The following GIMAP8 variants were observed in gnomAD, a reference collection of about 807,000 sequenced individuals.
The protein encoded by GIMAP8 is GTPase, IMAP family member 8.
In GIMAP8, 29 loss-of-function variants were observed where a neutral mutation model predicts 35.6. The observed-to-expected ratio is 0.81, with a 90% CI of 0.61 to 1.11. The LOEUF is 1.11. GIMAP8 is among the 50% of genes most tolerant of loss of function. The pLI is 0.00. For synonymous variants in GIMAP8, 335 were observed against 308.7 expected, an observed-to-expected ratio of 1.09 and a Z score of -0.89; for missense variants, 811 against 805.0, an observed-to-expected ratio of 1.01 and a Z score of -0.09.
intron 1 of GIMAP8, among the ~76,000 whole-genome samples, chr7:150,458,460 AT>A (rs1232704837): frequency 3.3e-5 from 5 of 152,196 alleles, no homozygotes; most frequent in Admixed American, 1.3e-4. Flanking sequence ...GAGTCCACTG[AT>A]TTTAATGTAA....
chr7:150,460,936 G>A (rs1046257056), intron 1 of GIMAP8, among the ~76,000 whole-genome samples: 1 of 152,174 alleles, frequency 6.6e-6, no homozygotes, highest in Admixed American at 6.5e-5. Flanking sequence ...AAGGCCCAGC[G>A]GCAGGCCAAA....
chr7:150,453,900 C>G (rs1367750706), intron 1 of GIMAP8, among the ~76,000 whole-genome samples: 2 of 151,316 alleles, frequency 1.3e-5, no homozygotes, highest in Non-Finnish European at 2.9e-5. Context: ...GTGGACAGCT[C>G]TTAGGGTGGC....
At chr7:150,463,147 T>C (rs773448977) in intron 1 of GIMAP8, among the ~76,000 whole-genome samples, 2 of 152,108 alleles carry the variant, frequency 1.3e-5, no homozygotes, top group Non-Finnish European at 2.9e-5. Flanking sequence ...TTTTTTTATT[T>C]TGTTCATGGA....
intron 1 of GIMAP8, among the ~76,000 whole-genome samples, chr7:150,463,243 G>T (rs1801878605): frequency 6.6e-6 from 1 of 151,654 alleles, no homozygotes; most frequent in Non-Finnish European, 1.5e-5. Flanking sequence ...ATCATGAATT[G>T]TTTTTTCTGA....
chr7:150,453,180 A>C (rs1801656120), intron 1 of GIMAP8, among the ~76,000 whole-genome samples: 1 of 152,214 alleles, frequency 6.6e-6, no homozygotes, highest in African/African-American at 2.4e-5. Flanking sequence ...AAAATTGAGG[A>C]GAGAGAGGAG....
intron 1 of GIMAP8, among the ~76,000 whole-genome samples, chr7:150,461,808 A>G (rs1421725331): frequency 1.3e-5 from 2 of 152,204 alleles, no homozygotes; most frequent in African/African-American, 4.8e-5. Flanking sequence ...CTGATAGATG[A>G]ACTTACTCCT....
rs1802121736 is a variant in GIMAP8 at position 150,472,816 on chromosome 7, C to A, written c.683-1196C>A. Reference sequence around the variant, plus strand: ...GGCAAAGAAAGTGCTGTCATATGGGCAAAAGTCCTGAAGTCTGTAAAGGAG... The same window carrying A: ...GGCAAAGAAAGTGCTGTCATATGGGAAAAAGTCCTGAAGTCTGTAAAGGAG... On this transcript the variant is annotated intron_variant, in intron 3 of 4. Coordinates refer to ENST00000307271, the MANE Select transcript of GIMAP8 (RefSeq NM_175571.4). The surrounding 1 kb of genome is among the most constrained non-coding windows in gnomAD (Gnocchi z 4.1). 6.6e-6 allele frequency among the ~76,000 whole-genome samples: 1 copy of A among 151,802 alleles called. No individual in the cohort carries two copies. The highest frequency in any genetic ancestry group is 2.4e-5 in the African/African-American group (1 of 41,306).
chr7:150,454,463 C>G (rs1563279276), intron 1 of GIMAP8, among the ~76,000 whole-genome samples: 2 of 152,104 alleles, frequency 1.3e-5, no homozygotes. Context: ...TGACATGGAG[C>G]CTCAGAGTCC....
intron 1 of GIMAP8, among the ~76,000 whole-genome samples, chr7:150,455,166 A>G (rs2116585532): frequency 1.3e-5 from 2 of 151,778 alleles, no homozygotes; most frequent in African/African-American, 4.8e-5. Context: ...CCAAAAAACA[A>G]AAAACTGGTC....
intron 2 of GIMAP8, among the ~76,000 whole-genome samples, chr7:150,469,685 T>C (rs1292366968): frequency 2.0e-5 from 3 of 151,896 alleles, no homozygotes; most frequent in Admixed American, 2.0e-4. Flanking sequence ...GTTAGAGCCA[T>C]ACTTTTAGAA....
At chr7:150,461,563 G>A (rs1332520281) in intron 1 of GIMAP8, among the ~76,000 whole-genome samples, 3 of 152,038 alleles carry the variant, frequency 2.0e-5, no homozygotes, top group East Asian at 3.9e-4. Context: ...GTTTGTGTGC[G>A]ATATGTTTTT....
rs192459526 is a variant in GIMAP8, at chr7:150,466,800, T to G, written c.102T>G (p.His34Gln). Residue 34 changes from histidine to glutamine, a missense_variant, in exon 2 of 5, where the codon CAT (histidine) becomes CAG (glutamine). His to Gln is a conservative substitution (Grantham distance 24, BLOSUM62 0). Transcript: ENST00000307271. The stretch of plus-strand genomic sequence containing the variant: ...CAGGAAATGCCATTCTGGGCAAACA[T>G]GTGTTCAAGTCCAAGTTCAGTGATC... The part of the protein sequence containing the change: ...SATGNAILGK[H>Q]VFKSKFSDQT... 6.2e-7 allele frequency: 1 copy of G among 1,613,688 alleles called. No homozygotes were observed. The highest frequency in any genetic ancestry group is 1.7e-5 in the Admixed American group (1 of 59,996).
At chr7:150,453,915 G>A (rs987652552) in intron 1 of GIMAP8, among the ~76,000 whole-genome samples, 8 of 152,036 alleles carry the variant, frequency 5.3e-5, no homozygotes, top group Non-Finnish European at 1.5e-5. Flanking sequence ...GGTGGCAGTG[G>A]CGGGTGCTAG....
At chr7:150,477,022 A>G in intron 4 of GIMAP8, 70 bp from the exon 5 acceptor site, 2 of 1,229,618 alleles carry the variant, frequency 1.6e-6, no homozygotes, top group Non-Finnish European at 2.3e-6. Context: ...ATCTTGCTTC[A>G]TGGGATAACT....
At chr7:150,457,935 T>C (rs138729312) in intron 1 of GIMAP8, among the ~76,000 whole-genome samples, 2 of 152,314 alleles carry the variant, frequency 1.3e-5, no homozygotes, top group Non-Finnish European at 2.9e-5. Context: ...TGCACTGCCT[T>C]CCCTGCTCCT....
chr7:150,477,371 T>C lies in GIMAP8; in HGVS notation c.1589T>C (p.Leu530Pro). ...CCEKGDTFFVLVFQLGRFTEE... is the reference protein window; with the variant it reads ...CCEKGDTFFVPVFQLGRFTEE... Reference sequence around the variant, plus strand: ...GAAAAAGGGGACACATTTTTTGTCCTGGTGTTCCAGCTGGGACGATTCACT... The same window carrying C: ...GAAAAAGGGGACACATTTTTTGTCCCGGTGTTCCAGCTGGGACGATTCACT... The change falls in exon 5 of 5, where the codon CTG (leucine) becomes CCG (proline). Residue 530 changes from leucine to proline, a missense_variant. Physicochemically the swap from Leu to Pro is moderately conservative, Grantham distance 98. Coordinates refer to ENST00000307271, the MANE Select transcript of GIMAP8 (RefSeq NM_175571.4). The C allele has an allele frequency of 6.2e-7, 1 of 1,614,226 alleles. No individual in the cohort carries two copies. Among genetic ancestry groups the C allele is most frequent in the South Asian group, 1.1e-5 (1 of 91,082 alleles).
chr7:150,457,526 C>T (rs1057045489), intron 1 of GIMAP8, among the ~76,000 whole-genome samples: 1 of 152,088 alleles, frequency 6.6e-6, no homozygotes, highest in South Asian at 2.1e-4. Flanking sequence ...TATTTAGAAA[C>T]CTAAAAATAG....
At chr7:150,464,027 C>T (rs1288446099) in intron 1 of GIMAP8, among the ~76,000 whole-genome samples, 1 of 152,190 alleles carries the variant, frequency 6.6e-6, no homozygotes, top group East Asian at 1.9e-4. Context: ...ACCTAGGCCC[C>T]TGGGCAGTGT....
At chr7:150,453,917 G>A (rs1431990338) in intron 1 of GIMAP8, among the ~76,000 whole-genome samples, 3 of 152,016 alleles carry the variant, frequency 2.0e-5, no homozygotes, top group East Asian at 1.9e-4. Context: ...TGGCAGTGGC[G>A]GGTGCTAGGT....
Sources: gnomAD v4.1 joint callset for allele counts (sites outside exome capture counted in the v4.1 genomes callset) on GRCh38, gnomAD v4.1.1 for gene constraint, Gnocchi (gnomAD v3.1) non-coding constraint, MANE v1.5 for transcripts, NCBI Gene and HGNC (gene_info 2026-07-23, HGNC 2026-07-21) for gene names.